BNC1: variants seen among roughly 807,000 people sequenced by gnomAD.
BNC1 encodes the protein basonuclin zinc finger protein 1.
A neutral mutation model predicts 66.5 loss-of-function variants in BNC1; 8 were observed. That is an observed-to-expected ratio of 0.12 (90% CI 0.07 to 0.22). BNC1 has a LOEUF of 0.22. Ranked by LOEUF, BNC1 falls within the 10% of genes least tolerant of loss-of-function variation. BNC1 has a pLI of 1.00. For synonymous variants in BNC1, 454 were observed against 452.6 expected (o/e 1.00, Z -0.04); for missense variants, 1,069 against 1,241.3 (o/e 0.86, Z 2.09).
At chr15:83,271,672 T>C (rs553037873) in intron 1 of BNC1, among the ~76,000 whole-genome samples, 2 of 152,162 alleles carry the variant, frequency 1.3e-5, no homozygotes, top group Non-Finnish European at 2.9e-5. Context: ...ATCGCAATGG[T>C]GTGATCCTAA....
intron 1 of BNC1, among the ~76,000 whole-genome samples, chr15:83,274,370 G>A (rs1413930430): frequency 1.3e-5 from 2 of 152,158 alleles, no homozygotes; most frequent in Admixed American, 6.5e-5. Context: ...GGGTGACAGA[G>A]TGAGACTCCA....
At chr15:83,284,474 G>C in intron 1 of BNC1, 56 bp downstream of exon 1, 2 of 1,101,906 alleles carry the variant, frequency 1.8e-6, no homozygotes, top group South Asian at 5.4e-5. Context: ...CGGCGTCCCG[G>C]GCCGCCTGCT....
chr15:83,279,256 T>G (rs2038355473), intron 1 of BNC1, among the ~76,000 whole-genome samples: 2 of 152,166 alleles, frequency 1.3e-5, no homozygotes, highest in Admixed American at 1.3e-4. Context: ...GGGTAGGAAA[T>G]ACAGATGAAA....
At chr15:83,283,776 G>A (rs1306272838) in intron 1 of BNC1, among the ~76,000 whole-genome samples, 1 of 152,238 alleles carries the variant, frequency 6.6e-6, no homozygotes, top group East Asian at 1.9e-4. Context: ...TCCAGGGTCC[G>A]CAGTGAAGCT....
In BNC1 at chr15:83,263,248, A is replaced by G. The variant is rs780328576; in HGVS notation, c.2003T>C (p.Phe668Ser). ...CTGCTGCAGTTCCATGTAGTCAGAA[A>G]AAGGAACTTGGGGTTCCATCCCAGG... ...FTPGMEPQVP[F>S]SDYMELQQRL... The change falls in exon 4 of 5, where the codon TTT becomes TCT. Residue 668 changes from phenylalanine (F) to serine (S), a missense_variant. By Grantham distance (155) the Phe-to-Ser change is radical. Around this residue, in one of 7 missense-constraint regions of BNC1, gnomAD observed 657 missense variants for 715.8 expected, o/e 0.92. Transcript: ENST00000345382. 1 of 1,614,234 alleles carries G rather than the reference A, an allele frequency of 6.2e-7. No individual in the cohort carries two copies. The highest frequency in any genetic ancestry group is 8.5e-7 in the Non-Finnish European group (1 of 1,180,042).
rs557850902 is a variant in BNC1, at chr15:83,263,171, A to G, written c.2080T>C (p.Phe694Leu). Reference sequence around the variant, plus strand: ...TCTTTAGAATCTTCAAGACAAGGAAAAGCCATTCCCCTGTTGGACAAAGCA... The same window carrying G: ...TCTTTAGAATCTTCAAGACAAGGAAGAGCCATTCCCCTGTTGGACAAAGCA... The part of the protein sequence containing the change: ...FSALSNRGMA[F>L]PCLEDSKELE... The change falls in exon 4 of 5, where the codon TTT becomes CTT. Residue 694 changes from phenylalanine (F) to leucine (L), a missense_variant. By Grantham distance (22) the Phe-to-Leu change is conservative. Transcript: ENST00000345382. 1 of 1,614,222 alleles carries G rather than the reference A, an allele frequency of 6.2e-7. No homozygotes were observed. The highest frequency in any genetic ancestry group is 8.5e-7 in the Non-Finnish European group (1 of 1,180,040).
Position 83,264,347 on chromosome 15 carries a change from C to T in BNC1, c.904G>A (p.Asp302Asn), listed in dbSNP as rs1351578318. The part of the protein sequence containing the change: ...SSSTPFQVEK[D>N]QCLNCPDAIT... ...GCATCCGGACAGTTTAAACACTGATCTTTTTCAACCTGAAATGGTGTGGAA... is the reference window on the plus strand; with the variant it reads ...GCATCCGGACAGTTTAAACACTGATTTTTTTCAACCTGAAATGGTGTGGAA... Residue 302 changes from aspartate to asparagine, a missense_variant, in exon 4 of 5, where the codon GAT becomes AAT. Physicochemically the swap from Asp to Asn is conservative, Grantham distance 23. Transcript: ENST00000345382. 1 of 1,614,100 alleles carries T rather than the reference C, an allele frequency of 6.2e-7. No individual in the cohort carries two copies. Among genetic ancestry groups the T allele is most frequent in the South Asian group, 1.1e-5 (1 of 91,064 alleles).
intron 4 of BNC1, among the ~76,000 whole-genome samples, chr15:83,260,023 C>A (rs1335582328): frequency 6.6e-6 from 1 of 152,146 alleles, no homozygotes; most frequent in South Asian, 2.1e-4. Context: ...TAGTTGAGAC[C>A]AGTGGTTCTC....
intron 4 of BNC1, among the ~76,000 whole-genome samples, chr15:83,262,043 A>ATTTTTTTTTTTTTTTTTTTTTT (rs1567191023): frequency 7.3e-6 from 1 of 137,914 alleles, no homozygotes. Flanking sequence ...CAACTAGTTC[A>ATTTTTTTTTTTTTTTTTTTTTT]TGTTTTTTTT....
chr15:83,264,862 T>A, intron 3 of BNC1, 47 bp from the exon 4 acceptor site: 1 of 1,552,280 alleles, frequency 6.4e-7, no homozygotes, highest in Non-Finnish European at 8.7e-7. Flanking sequence ...TACAACTCCT[T>A]ACCCTTTCCT....
At chr15:83,282,424 G>A (rs1036906163) in intron 1 of BNC1, among the ~76,000 whole-genome samples, 9 of 152,200 alleles carry the variant, frequency 5.9e-5, no homozygotes, top group African/African-American at 2.2e-4. Flanking sequence ...ATCACAAAAG[G>A]AGAAGCCATC....
intron 1 of BNC1, among the ~76,000 whole-genome samples, chr15:83,277,152 G>A (rs866177009): frequency 6.6e-6 from 1 of 152,090 alleles, no homozygotes; most frequent in African/African-American, 2.4e-5. Context: ...ACTGTTCACA[G>A]CAGTCTCTAC....
intron 1 of BNC1, 117 bp downstream of exon 1, chr15:83,284,413 A>AGCTG (rs1035969320): frequency 3.3e-6 from 2 of 598,464 alleles, no homozygotes; most frequent in Non-Finnish European, 4.3e-6. Context: ...GCAGGTAGCC[A>AGCTG]GCTGGCCCTC....
In BNC1 at chr15:83,263,607, T is replaced by C. The variant is rs1266827339; in HGVS notation, c.1644A>G (p.Lys548=). ...RKSSMPIKIE[K]EAVEIANEKR... is the part of the protein sequence containing the mutation. ...TCTCATTAGCTATTTCCACAGCTTCTTTCTCTATTTTGATAGGCATACTGG... is the reference window on the plus strand; with the variant it reads ...TCTCATTAGCTATTTCCACAGCTTCCTTCTCTATTTTGATAGGCATACTGG... Residue 548 remains lysine, a synonymous_variant, in exon 4 of 5, where the codon AAA becomes AAG. Transcript: ENST00000345382. 1.2e-6 allele frequency: 2 copies of C among 1,614,248 alleles called. No individual in the cohort carries two copies. The highest frequency in any genetic ancestry group is 3.3e-5 in the Admixed American group (2 of 60,028).
rs749038311 is a variant in BNC1 at position 83,264,560 on chromosome 15, G to T, written c.691C>A (p.His231Asn). The change falls in exon 4 of 5, where the codon CAC becomes AAC. Residue 231 changes from histidine to asparagine, a missense_variant. Coordinates refer to ENST00000345382, the MANE Select transcript of BNC1 (RefSeq NM_001717.4). ...TTGCTTATGAGGTTCTCAAAGGGGT[G>T]TATACTGCTGGGGTTTCCTTTGTCC... ...PVDKGNPSSI[H>N]PFENLISNMT... 7.4e-6 allele frequency: 12 copies of T among 1,614,028 alleles called. No individual in the cohort carries two copies. The African/African-American group carries it at 1.6e-4, about 22-fold the overall frequency.
chr15:83,276,274 A>G (rs2038322648), intron 1 of BNC1, among the ~76,000 whole-genome samples: 1 of 152,228 alleles, frequency 6.6e-6, no homozygotes, highest in Non-Finnish European at 1.5e-5. Context: ...GCACAGAGCT[A>G]CCAAAAATAT....
At chr15:83,267,321 CAAGG>C (rs1290852952) in intron 2 of BNC1, among the ~76,000 whole-genome samples, 1 of 151,920 alleles carries the variant, frequency 6.6e-6, no homozygotes, top group Non-Finnish European at 1.5e-5. Context: ...TAGTCACAAA[CAAGG>C]AAGGAATAAG....
At chr15:83,259,974 C>T (rs1331842523) in intron 4 of BNC1, among the ~76,000 whole-genome samples, 2 of 152,178 alleles carry the variant, frequency 1.3e-5, no homozygotes, top group African/African-American at 4.8e-5. Context: ...CAACCTCTAC[C>T]TCTCCCCTCC....
At position 83,284,517 on chromosome 15, in the gene BNC1, G is replaced by A. The variant is rs1356028261; in HGVS notation, c.99+13C>T. The A allele has an allele frequency of 8.3e-6, 10 of 1,198,866 alleles. No homozygotes were observed. The African/African-American group carries it at 1.1e-4, about 14-fold the overall frequency. The allele number at this position is 1,198,866 out of a possible 1,614,324, so 74.3% of individuals were successfully genotyped here. ...CAGAGAATCCCCGCGCCCGCGGAGG[G>A]CGCCGCGCTTACCTCGGCCATCCTG... On this transcript the variant is annotated intron_variant, in intron 1 of 4. Transcript: ENST00000345382.
Sources: allele counts gnomAD v4.1 joint callset (sites outside exome capture counted in the v4.1 genomes callset), GRCh38; gene constraint gnomAD v4.1.1; regional missense constraint gnomAD v4.1.1; transcripts MANE v1.5; gene names NCBI Gene and HGNC (gene_info 2026-07-23, HGNC 2026-07-21).